Variants in C11orf65 observed in about 807,000 individuals in gnomAD.
The protein encoded by C11orf65 is protein MFI.
In C11orf65, 38 loss-of-function variants were observed where a neutral mutation model predicts 35.3. The observed-to-expected ratio is 1.08, with a 90% CI of 0.83 to 1.41. C11orf65 has a LOEUF of 1.41. Ranked by LOEUF, C11orf65 falls within the 40% of genes most tolerant of loss-of-function variation. The pLI is 0.00. For synonymous variants in C11orf65, 105 were observed against 114.4 expected, an observed-to-expected ratio of 0.92 and a Z score of 0.53; for missense variants, 370 against 367.1, an observed-to-expected ratio of 1.01 and a Z score of -0.06.
chr11:108,321,454 T>G (rs1411410959), intron 6 of C11orf65: 1 of 1,613,636 alleles, frequency 6.2e-7, no homozygotes, highest in Non-Finnish European at 8.5e-7. Flanking sequence ...TATCCTAAAG[T>G]GCAGCTTTTC....
At chr11:108,463,842 T>A (rs115085307) in intron 1 of C11orf65, among the ~76,000 whole-genome samples, 1,678 of 152,212 alleles carry the variant, frequency 0.011, 29 homozygotes, top group African/African-American at 0.038. Context: ...ACATTTTAAG[T>A]ACAATTATTC....
chr11:108,431,798 A>T lies in C11orf65; in HGVS notation c.122T>A (p.Leu41Ter), dbSNP rs2092993889. 4 of 1,529,850 alleles carry T rather than the reference A, an allele frequency of 2.6e-6. No homozygotes were observed. In the East Asian group the frequency reaches 9.2e-5, roughly 35 times the overall value. 94.8% of individuals were successfully genotyped at this position (1,529,850 alleles called of 1,614,324 possible). Residue 41 changes from leucine (L) to a stop codon, truncating the protein, a stop_gained, in exon 3 of 9, where the codon TTA becomes TAA. Coordinates refer to ENST00000393084, the MANE Select transcript of C11orf65 (RefSeq NM_152587.5). LOFTEE classifies it high-confidence loss of function. ...IFQHFKSLID[L>*]RRQGEPRQIV... ...CTGACGTGGTTCTCCTTGTCTTCTT[A>T]AATCAATCAGACTTTTAAAGTGTTG... is the stretch of plus-strand genomic sequence containing the variant.
intron 3 of C11orf65, among the ~76,000 whole-genome samples, chr11:108,408,050 T>G (rs112089563): frequency 0.019 from 2,876 of 149,698 alleles, 89 homozygotes; most frequent in African/African-American, 0.066. Flanking sequence ...ACTTTAAGTT[T>G]TAGGGTACAT....
intron 2 of C11orf65, among the ~76,000 whole-genome samples, chr11:108,354,182 G>T (rs2089596220): frequency 6.6e-6 from 1 of 151,690 alleles, no homozygotes; most frequent in South Asian, 2.1e-4. Context: ...CTAAGGAAAA[G>T]ACCCTGGGTA....
At chr11:108,345,658 C>A in intron 2 of C11orf65, 1 of 1,138,700 alleles carries the variant, frequency 8.8e-7, no homozygotes. Flanking sequence ...GCCCCTATAT[C>A]TGTCATATTT....
At chr11:108,410,355 T>C (rs531968600) in intron 3 of C11orf65, among the ~76,000 whole-genome samples, 4 of 152,302 alleles carry the variant, frequency 2.6e-5, no homozygotes, top group South Asian at 4.1e-4. Flanking sequence ...GTCATGCTAG[T>C]AGTTTATCAA....
At chr11:108,331,072 T>C, downstream of C11orf65, 1 of 700,450 alleles carries the variant, frequency 1.4e-6, no homozygotes, top group South Asian at 4.8e-5. Flanking sequence ...AATATTACTT[T>C]TGGCCTATGG....
At chr11:108,430,876 C>T (rs1398599420) in intron 3 of C11orf65, among the ~76,000 whole-genome samples, 1 of 138,186 alleles carries the variant, frequency 7.2e-6, no homozygotes, top group African/African-American at 2.7e-5. Context: ...AAAAAAAAAC[C>T]CAAAACCCAT....
chr11:108,455,702 G>C (rs1390223149), intron 2 of C11orf65, among the ~76,000 whole-genome samples: 1 of 151,528 alleles, frequency 6.6e-6, no homozygotes, highest in African/African-American at 2.4e-5. Context: ...TGTAATCCCA[G>C]CTACTCGGGA....
At chr11:108,405,028 G>A (rs909342315) in intron 6 of C11orf65, among the ~76,000 whole-genome samples, 45 of 152,188 alleles carry the variant, frequency 3.0e-4, no homozygotes, top group African/African-American at 9.9e-4. Context: ...GGGATGTGGC[G>A]AAGTTTTACC....
intron 6 of C11orf65, among the ~76,000 whole-genome samples, chr11:108,395,595 G>C (rs1433898841): frequency 6.6e-6 from 1 of 150,480 alleles, no homozygotes; most frequent in Non-Finnish European, 1.5e-5. Flanking sequence ...GTGATTACAG[G>C]CGTGAGCCAC....
rs2084522356 is a variant in C11orf65 at position 108,315,274 on chromosome 11, A to G, written c.641-6203T>C. 2.6e-5 allele frequency among the ~76,000 whole-genome samples: 4 copies of G among 152,264 alleles called. No individual in the cohort carries two copies. In the South Asian group the frequency reaches 6.2e-4, roughly 24 times the overall value. ...TTATTACAATAGTACAATATGTACG[A>G]TAGTTAATCTTATGCAATTATGATT... On this transcript the variant is annotated intron_variant, in intron 6 of 6. Coordinates refer to the C11orf65 transcript ENST00000525729.
At chr11:108,446,539 A>C (rs1371689810) in intron 2 of C11orf65, among the ~76,000 whole-genome samples, 2 of 151,804 alleles carry the variant, frequency 1.3e-5, no homozygotes, top group African/African-American at 4.9e-5. Flanking sequence ...ACTAAGCTTC[A>C]TCAGTGAAGG....
chr11:108,343,193 A>G lies in C11orf65; in HGVS notation c.227-7901T>C, dbSNP rs760264545. 1.9e-5 allele frequency: 31 copies of G among 1,613,372 alleles called. No individual in the cohort carries two copies. In the South Asian group the frequency reaches 3.4e-4, roughly 18 times the overall value. On this transcript the variant is annotated intron_variant, in intron 2 of 3. Coordinates refer to the C11orf65 transcript ENST00000524755. ...AAATGCTCTTTAATGGCCTTTTAAA[A>G]TTAAAAGGTATTTAATCTGTAACTC...
chr11:108,406,501 T>A (rs1390541138), intron 5 of C11orf65, among the ~76,000 whole-genome samples: 1 of 152,172 alleles, frequency 6.6e-6, no homozygotes, highest in Non-Finnish European at 1.5e-5. Context: ...GGGTATATAA[T>A]CTGCTGAGTA....
intron 3 of C11orf65, among the ~76,000 whole-genome samples, chr11:108,412,388 A>T (rs989957044): frequency 1.3e-5 from 2 of 152,226 alleles, no homozygotes; most frequent in Non-Finnish European, 2.9e-5. Context: ...AATAACTTTA[A>T]ATGTCAATGA....
At chr11:108,331,048 T>C (rs2086186800), downstream of C11orf65, among the ~76,000 whole-genome samples, 1 of 152,240 alleles carries the variant, frequency 6.6e-6, no homozygotes, top group East Asian at 1.9e-4. Flanking sequence ...CAATCTCTGC[T>C]GTAGTATACA....
At chr11:108,359,880 A>G (rs2090494675) in intron 2 of C11orf65, among the ~76,000 whole-genome samples, 1 of 152,220 alleles carries the variant, frequency 6.6e-6, no homozygotes. Flanking sequence ...CATCACAATT[A>G]AAAGAGCTAG....
intron 2 of C11orf65, among the ~76,000 whole-genome samples, chr11:108,369,743 T>A (rs2091497367): frequency 6.6e-6 from 1 of 152,126 alleles, no homozygotes; most frequent in South Asian, 2.1e-4. Flanking sequence ...AAGCAGTGGT[T>A]CTTAACCAGG....
Sources: allele counts gnomAD v4.1 joint callset (sites outside exome capture counted in the v4.1 genomes callset), GRCh38; gene constraint gnomAD v4.1.1; transcripts MANE v1.5; gene names NCBI Gene and HGNC (gene_info 2026-07-23, HGNC 2026-07-21).